DNAI1: variants seen among roughly 807,000 people sequenced by gnomAD.
The protein encoded by DNAI1 is dynein axonemal intermediate chain 1.
A neutral mutation model predicts 92.0 loss-of-function variants in DNAI1; 67 were observed. The ratio of observed to expected loss-of-function variants is 0.73; its 90% CI spans 0.60 to 0.89. DNAI1 has a LOEUF of 0.89. Among genes scored for constraint, DNAI1 ranks in the 40% least tolerant of loss-of-function variants. The pLI is 0.00. For missense variants in DNAI1, 839 were observed against 866.6 expected, an observed-to-expected ratio of 0.97 and a Z score of 0.40; for synonymous variants, 323 against 319.6, an observed-to-expected ratio of 1.01 and a Z score of -0.11.
chr9:34,458,848 A>G lies in DNAI1; in HGVS notation c.-158A>G. 1.4e-6 allele frequency: 1 copy of G among 719,316 alleles called. No individual in the cohort carries two copies. The highest frequency in any genetic ancestry group is 2.5e-6 in the Non-Finnish European group (1 of 392,874). 44.6% of individuals were successfully genotyped at this position (719,316 alleles called of 1,614,324 possible). On this transcript the variant is annotated 5_prime_UTR_variant, in exon 1 of 20. Coordinates refer to ENST00000242317, the MANE Select transcript of DNAI1 (RefSeq NM_012144.4). The surrounding 1 kb of genome is among the most constrained non-coding windows in gnomAD (Gnocchi z 6.6). ...TCAGGGAGTTGGATTCTATCCTGCA[A>G]GGGCACGGGGACCCACAACGACGGC...
chr9:34,496,971 T>G (rs1019502122), intron 9 of DNAI1, 144 bp from the exon 10 acceptor site: 11 of 734,926 alleles, frequency 1.5e-5, no homozygotes, highest in Non-Finnish European at 2.5e-5. Flanking sequence ...CCTTGAGACA[T>G]GCAGAGAAAC....
At chr9:34,496,842 A>C (rs1049910359) in intron 9 of DNAI1, among the ~76,000 whole-genome samples, 3 of 152,150 alleles carry the variant, frequency 2.0e-5, no homozygotes, top group Non-Finnish European at 4.4e-5. Flanking sequence ...CTTCTCCAAA[A>C]CAAGTCCAGA....
At chr9:34,511,225 A>T (rs968357124) in intron 13 of DNAI1, among the ~76,000 whole-genome samples, 5 of 152,232 alleles carry the variant, frequency 3.3e-5, no homozygotes, top group African/African-American at 1.2e-4. Context: ...AGGCCTCCAC[A>T]TCTGGCAACA....
chr9:34,481,695 A>G (rs959822798), intron 1 of DNAI1, among the ~76,000 whole-genome samples: 2 of 151,994 alleles, frequency 1.3e-5, no homozygotes, highest in Non-Finnish European at 2.9e-5. Flanking sequence ...GCAGACCTTC[A>G]CGGTGAGTGT....
chr9:34,512,935 G>A (rs941658669), intron 15 of DNAI1, among the ~76,000 whole-genome samples, 177 bp from the exon 16 acceptor site: 5 of 152,218 alleles, frequency 3.3e-5, no homozygotes, highest in Non-Finnish European at 7.3e-5. Context: ...CAGGCCAGAG[G>A]GCTGGTTTCT....
chr9:34,499,064 T>C (rs572027795), intron 10 of DNAI1, among the ~76,000 whole-genome samples: 12 of 152,330 alleles, frequency 7.9e-5, no homozygotes, highest in Admixed American at 4.6e-4. Flanking sequence ...TATTGAACTT[T>C]GATTTTTTTA....
In DNAI1 at chr9:34,490,538, C is replaced by G. The variant is rs771963003; in HGVS notation, c.621+50C>G. 6.2e-6 allele frequency: 10 copies of G among 1,612,618 alleles called. No individual in the cohort carries two copies. The Admixed American group carries it at 1.7e-4, about 27-fold the overall frequency. ...CTTTGCAGCTCTTCACTGTGCCTGGCAGGGAAGAAGCAGGCCTGACCCTGG... is the reference window on the plus strand; with the variant it reads ...CTTTGCAGCTCTTCACTGTGCCTGGGAGGGAAGAAGCAGGCCTGACCCTGG... On this transcript the variant is annotated intron_variant, in intron 7 of 19. Transcript: ENST00000242317.
At chr9:34,481,865 A>C (rs1824364211) in intron 1 of DNAI1, among the ~76,000 whole-genome samples, 1 of 152,224 alleles carries the variant, frequency 6.6e-6, no homozygotes, top group Admixed American at 6.5e-5. Context: ...ATTTATTGCA[A>C]AGAGCAAAAG....
At chr9:34,499,217 C>T (rs889187705) in intron 10 of DNAI1, among the ~76,000 whole-genome samples, 2 of 152,332 alleles carry the variant, frequency 1.3e-5, no homozygotes, top group South Asian at 4.1e-4. Context: ...AATCAAGGCT[C>T]ACGCCTCTCT....
At chr9:34,491,766 A>G (rs769247177) in intron 8 of DNAI1, among the ~76,000 whole-genome samples, 2 of 152,240 alleles carry the variant, frequency 1.3e-5, no homozygotes, top group Non-Finnish European at 2.9e-5. Context: ...TGGGCCAGCC[A>G]CGTGACTCAA....
At chr9:34,509,138 G>A (rs145190543) in intron 13 of DNAI1, among the ~76,000 whole-genome samples, 43 of 152,278 alleles carry the variant, frequency 2.8e-4, no homozygotes, top group African/African-American at 9.9e-4. Context: ...GTAGAAGTGC[G>A]CAAGGAGGGG....
At chr9:34,482,571 CAG>C (rs1434001955) in intron 1 of DNAI1, among the ~76,000 whole-genome samples, 1 of 151,984 alleles carries the variant, frequency 6.6e-6, no homozygotes, top group Non-Finnish European at 1.5e-5. Context: ...CAGCTAGATA[CAG>C]AGTGTTGATT....
intron 8 of DNAI1, among the ~76,000 whole-genome samples, chr9:34,492,532 A>ATATATT (rs1824630371): frequency 8.3e-6 from 1 of 120,264 alleles, no homozygotes; most frequent in African/African-American, 3.1e-5. Context: ...ATATATATAT[A>ATATATT]TATTTGAGAC....
At chr9:34,471,603 A>G (rs1824135760) in intron 1 of DNAI1, among the ~76,000 whole-genome samples, 1 of 152,142 alleles carries the variant, frequency 6.6e-6, no homozygotes, top group Non-Finnish European at 1.5e-5. Context: ...CACTGTCTCT[A>G]CTAAAAAATA....
intron 1 of DNAI1, among the ~76,000 whole-genome samples, chr9:34,459,661 G>T (rs1474099651): frequency 6.6e-6 from 1 of 152,120 alleles, no homozygotes; most frequent in Non-Finnish European, 1.5e-5. Context: ...GCCCAGGCCC[G>T]TCTCTAACTC....
chr9:34,489,128 A>C, intron 4 of DNAI1, 195 bp from the exon 5 acceptor site: 1 of 616,200 alleles, frequency 1.6e-6, no homozygotes, highest in Non-Finnish European at 2.8e-6. Flanking sequence ...AAAAGATTTT[A>C]TTTCATTTGT....
chr9:34,495,638 A>G (rs1824706664), intron 9 of DNAI1, among the ~76,000 whole-genome samples: 1 of 152,212 alleles, frequency 6.6e-6, no homozygotes, highest in Non-Finnish European at 1.5e-5. Context: ...ACTTGAGGGC[A>G]TGTGGCTGTG....
intron 12 of DNAI1, among the ~76,000 whole-genome samples, chr9:34,506,220 G>T (rs1460666944): frequency 6.6e-6 from 1 of 152,160 alleles, no homozygotes; most frequent in Non-Finnish European, 1.5e-5. Flanking sequence ...TAGCTGGGGG[G>T]AGGGGTACAT....
Position 34,520,915 on chromosome 9 carries a change from ACCCC to A in DNAI1, c.*160_*163del. On this transcript the variant is annotated 3_prime_UTR_variant, in exon 20 of 20. Coordinates refer to ENST00000242317, the MANE Select transcript of DNAI1 (RefSeq NM_012144.4). The stretch of plus-strand genomic sequence containing the variant: ...CTGTTCCTTAAGGTCCCAGCACCTT[ACCCC>A]AGGACTTGGTCTTCAACCACCATTA... 1 of 751,136 alleles carries A rather than the reference ACCCC, an allele frequency of 1.3e-6. No homozygotes were observed. Among genetic ancestry groups the A allele is most frequent in the African/African-American group, 1.7e-5 (1 of 57,800 alleles). 46.5% of individuals were successfully genotyped at this position (751,136 alleles called of 1,614,324 possible).
Sources: allele counts gnomAD v4.1 joint callset (sites outside exome capture counted in the v4.1 genomes callset), GRCh38; gene constraint gnomAD v4.1.1; non-coding constraint Gnocchi (gnomAD v3.1); transcripts MANE v1.5; gene names NCBI Gene and HGNC (gene_info 2026-07-23, HGNC 2026-07-21).